The following KCNN2 variants were observed in gnomAD, a reference collection of about 807,000 sequenced individuals.
KCNN2 encodes the protein potassium calcium-activated channel subfamily N member 2.
In KCNN2, 24 loss-of-function variants were observed where a neutral mutation model predicts 55.5. That is an observed-to-expected ratio of 0.43 (90% CI 0.31 to 0.61). KCNN2 has a LOEUF of 0.61. Ranked by LOEUF, KCNN2 falls within the 20% of genes least tolerant of loss-of-function variation. The pLI is 0.08. For synonymous variants in KCNN2, 431 were observed against 336.1 expected (o/e 1.28, Z -3.09); for missense variants, 754 against 853.6 (o/e 0.88, Z 1.45).
chr5:114,408,950 T>C (rs181338863), intron 3 of KCNN2, among the ~76,000 whole-genome samples: 4 of 152,292 alleles, frequency 2.6e-5, no homozygotes, highest in Non-Finnish European at 2.9e-5. Context: ...AGGTGAAAAC[T>C]GTTCATTTCA....
intron 1 of KCNN2, among the ~76,000 whole-genome samples, chr5:114,073,713 G>A (rs1750624239): frequency 6.6e-6 from 1 of 152,186 alleles, no homozygotes; most frequent in African/African-American, 2.4e-5. Flanking sequence ...CCTAAGCTCA[G>A]TTCATTGTTG....
intron 2 of KCNN2, among the ~76,000 whole-genome samples, chr5:114,266,960 T>C (rs1755219485): frequency 6.6e-6 from 1 of 151,572 alleles, no homozygotes. Context: ...GGATTACTGA[T>C]ATTAAGATGC....
chr5:114,162,637 T>C (rs1175963119), intron 1 of KCNN2, among the ~76,000 whole-genome samples: 1 of 152,300 alleles, frequency 6.6e-6, no homozygotes, highest in East Asian at 1.9e-4. Flanking sequence ...CCTTGAGCTG[T>C]GGTGGGCTCC....
chr5:114,075,308 T>G (rs1317976592), intron 1 of KCNN2, among the ~76,000 whole-genome samples: 2 of 152,162 alleles, frequency 1.3e-5, no homozygotes. Flanking sequence ...ATACAAAAGA[T>G]GCAGAAGCAA....
intron 1 of KCNN2, among the ~76,000 whole-genome samples, chr5:114,110,405 A>G (rs943433371): frequency 6.6e-6 from 1 of 152,032 alleles, no homozygotes; most frequent in African/African-American, 2.4e-5. Context: ...AATCCTGGAG[A>G]ACGTGGGGCT....
At chr5:114,381,322 T>C (rs1758119374) in intron 2 of KCNN2, among the ~76,000 whole-genome samples, 1 of 152,214 alleles carries the variant, frequency 6.6e-6, no homozygotes, top group Non-Finnish European at 1.5e-5. Context: ...TTGAAATCAT[T>C]GCAGGGCATT....
At chr5:114,072,878 CTT>C (rs1199233040) in intron 1 of KCNN2, among the ~76,000 whole-genome samples, 2 of 151,926 alleles carry the variant, frequency 1.3e-5, no homozygotes, top group African/African-American at 2.4e-5. Context: ...AAAAGTAACA[CTT>C]TTCTTTTGCT....
chr5:114,390,767 A>G (rs1758428745), intron 2 of KCNN2, among the ~76,000 whole-genome samples: 1 of 152,122 alleles, frequency 6.6e-6, no homozygotes, highest in Non-Finnish European at 1.5e-5. Flanking sequence ...AAAGGGTAAA[A>G]TGGTTACCTT....
chr5:114,454,766 A>G (rs1316663595), intron 3 of KCNN2, among the ~76,000 whole-genome samples: 1 of 152,214 alleles, frequency 6.6e-6, no homozygotes, highest in African/African-American at 2.4e-5. Context: ...GTGCGTATCC[A>G]TCATTCTGTA....
chr5:114,166,025 A>G, intron 1 of KCNN2, among the ~76,000 whole-genome samples: 1 of 152,104 alleles, frequency 6.6e-6, no homozygotes, highest in East Asian at 1.9e-4. Flanking sequence ...CCTCATTTTA[A>G]AAACATTTCT....
In KCNN2 at chr5:114,202,323, A is replaced by G. The variant is rs539990292; in HGVS notation, c.-270-19157A>G. Reference sequence around the variant, plus strand: ...GCCGAGATCATTAAAACCCATTTTTAATTTTAATCATTTTCAACATAAGAC... The same window carrying G: ...GCCGAGATCATTAAAACCCATTTTTGATTTTAATCATTTTCAACATAAGAC... On this transcript the variant is annotated intron_variant, in intron 1 of 10. Coordinates refer to the KCNN2 transcript ENST00000512097. Among the ~76,000 whole-genome samples, 7 of 151,836 alleles carry G rather than the reference A, an allele frequency of 4.6e-5. No homozygotes were observed. The South Asian group carries it at 1.5e-3, about 32-fold the overall frequency.
intron 3 of KCNN2, among the ~76,000 whole-genome samples, chr5:114,408,078 T>C (rs2150073030): frequency 6.6e-6 from 1 of 152,274 alleles, no homozygotes; most frequent in East Asian, 1.9e-4. Flanking sequence ...GCCTAAGTCA[T>C]GGGTGAGGGG....
At chr5:114,481,040 A>G (rs891592672) in intron 5 of KCNN2, among the ~76,000 whole-genome samples, 1 of 152,198 alleles carries the variant, frequency 6.6e-6, no homozygotes, top group African/African-American at 2.4e-5. Context: ...AGAGTATTCA[A>G]ATAGGAAGAG....
intron 1 of KCNN2, among the ~76,000 whole-genome samples, chr5:114,172,530 G>A (rs987116907): frequency 1.3e-5 from 2 of 150,948 alleles, no homozygotes; most frequent in South Asian, 2.1e-4. Context: ...CTGTGTGTGG[G>A]AGAGTTATAC....
chr5:114,222,118 C>A (rs1293725629), intron 2 of KCNN2, among the ~76,000 whole-genome samples: 2 of 152,090 alleles, frequency 1.3e-5, no homozygotes, highest in Non-Finnish European at 2.9e-5. Context: ...TTTAATGCTT[C>A]AGTGAAAGTA....
intron 1 of KCNN2, among the ~76,000 whole-genome samples, chr5:114,220,610 C>T (rs1438956502): frequency 6.6e-6 from 1 of 151,808 alleles, no homozygotes; most frequent in African/African-American, 2.4e-5. Flanking sequence ...CGAGGATTAG[C>T]AGAAAAGGAG....
intron 2 of KCNN2, among the ~76,000 whole-genome samples, chr5:114,369,964 A>G (rs756448777): frequency 2.0e-5 from 3 of 152,126 alleles, no homozygotes; most frequent in Non-Finnish European, 4.4e-5. Flanking sequence ...GCGTTGATTT[A>G]ACTTCAGAGA....
intron 1 of KCNN2, among the ~76,000 whole-genome samples, chr5:114,161,134 G>A (rs1752768684): frequency 6.6e-6 from 1 of 152,164 alleles, no homozygotes; most frequent in Admixed American, 6.5e-5. Flanking sequence ...TTTTTGCAGT[G>A]GCTGGTACTG....
intron 1 of KCNN2, among the ~76,000 whole-genome samples, chr5:114,087,889 T>A (rs1262618879): frequency 6.6e-6 from 1 of 152,120 alleles, no homozygotes; most frequent in African/African-American, 2.4e-5. Context: ...AGAATATATT[T>A]CATTTTCCTC....
Sources: allele counts gnomAD v4.1 joint callset (sites outside exome capture counted in the v4.1 genomes callset), GRCh38; gene constraint gnomAD v4.1.1; transcripts MANE v1.5; gene names NCBI Gene and HGNC (gene_info 2026-07-23, HGNC 2026-07-21).